SPEF2: variants seen among roughly 807,000 people sequenced by gnomAD.
The protein encoded by SPEF2 is sperm flagella and cilia-associated protein 2.
SPEF2 carries 187 observed loss-of-function variants against 224.6 expected under a neutral mutation model. That is an observed-to-expected ratio of 0.83 (90% CI 0.74 to 0.94). The LOEUF is 0.94. SPEF2 is among the 40% of genes least tolerant of loss of function. The probability of loss-of-function intolerance (pLI) is 0.00; values close to 1 mark genes in which losing one functional copy is unlikely to be tolerated. For synonymous variants in SPEF2, 715 were observed against 707.3 expected (o/e 1.01, Z -0.17); for missense variants, 2,170 against 2,135.6 (o/e 1.02, Z -0.32).
At chr5:35,789,594 T>C in intron 30 of SPEF2, 1 of 643,676 alleles carries the variant, frequency 1.6e-6, no homozygotes, top group East Asian at 2.7e-5. Flanking sequence ...AAACATTGTT[T>C]TAACACATCT....
At chr5:35,772,701 T>C (rs1753033694) in intron 27 of SPEF2, among the ~76,000 whole-genome samples, 1 of 152,116 alleles carries the variant, frequency 6.6e-6, no homozygotes, top group Non-Finnish European at 1.5e-5. Flanking sequence ...TTAGTCCATC[T>C]CAAGTGGCAG....
intron 2 of SPEF2, among the ~76,000 whole-genome samples, chr5:35,631,771 G>A (rs1180976720): frequency 1.3e-5 from 2 of 152,020 alleles, no homozygotes; most frequent in Admixed American, 6.6e-5. Context: ...AAAAATATTT[G>A]GGAAAAAAAT....
At chr5:35,677,906 G>A (rs187845699) in intron 10 of SPEF2, among the ~76,000 whole-genome samples, 15 of 152,292 alleles carry the variant, frequency 9.8e-5, no homozygotes, top group East Asian at 9.7e-4. Context: ...GTAGCTCAGC[G>A]TTTCTGAAAA....
intron 10 of SPEF2, among the ~76,000 whole-genome samples, chr5:35,679,339 C>A (rs144614330): frequency 6.6e-6 from 1 of 152,214 alleles, no homozygotes; most frequent in Non-Finnish European, 1.5e-5. Context: ...GAGACAGAGG[C>A]GGGATCAAGC....
rs758313268 is a variant in SPEF2 at position 35,649,813 on chromosome 5, A to G, written c.791+388A>G. On this transcript the variant is annotated intron_variant, in intron 6 of 36. Transcript: ENST00000356031. ...GCTGTATCCTCAGCAGTTAGCATAGAGACCAGCAGTAAGAAGTTGAGTGAA... is the reference window on the plus strand; with the variant it reads ...GCTGTATCCTCAGCAGTTAGCATAGGGACCAGCAGTAAGAAGTTGAGTGAA... Among the ~76,000 whole-genome samples the G allele has an allele frequency of 1.1e-3, 168 of 152,358 alleles. 3 individuals are homozygous for G. Among genetic ancestry groups the G allele is most frequent in the Middle Eastern group, 3.4e-3 (1 of 294 alleles).
At chr5:35,720,776 G>A (rs973110268) in intron 20 of SPEF2, among the ~76,000 whole-genome samples, 4 of 152,172 alleles carry the variant, frequency 2.6e-5, no homozygotes, top group East Asian at 1.9e-4. Flanking sequence ...GCAATCCCAC[G>A]TACCTAAACC....
At chr5:35,690,871 T>C (rs1461727181) in intron 10 of SPEF2, among the ~76,000 whole-genome samples, 166 bp from the exon 11 acceptor site, 2 of 152,200 alleles carry the variant, frequency 1.3e-5, no homozygotes, top group Non-Finnish European at 2.9e-5. Flanking sequence ...TTCTGCCCTG[T>C]AATATGAAAC....
At chr5:35,698,050 A>G (rs1236587563) in intron 15 of SPEF2, 2 of 246,052 alleles carry the variant, frequency 8.1e-6, no homozygotes, top group African/African-American at 2.3e-5. Context: ...GGGGAATTCA[A>G]TGAGAAATTG....
At chr5:35,662,785 A>G (rs1749925038) in intron 8 of SPEF2, among the ~76,000 whole-genome samples, 1 of 151,922 alleles carries the variant, frequency 6.6e-6, no homozygotes, top group Non-Finnish European at 1.5e-5. Flanking sequence ...CCATTGGTCT[A>G]TGTGTCTGTT....
intron 18 of SPEF2, among the ~76,000 whole-genome samples, chr5:35,708,725 A>ACCATCATCACCTCTATCT (rs1740506743): frequency 1.2e-3 from 1 of 850 alleles, no homozygotes; most frequent in East Asian, 0.026. Flanking sequence ...CAACATTACC[A>ACCATCATCACCTCTATCT]CCACTGCCAT....
chr5:35,785,995 A>G lies in SPEF2; in HGVS notation c.4448-6345A>G, dbSNP rs2149815247. On this transcript the variant is annotated intron_variant, in intron 30 of 36. Transcript: ENST00000356031. Reference sequence around the variant, plus strand: ...ACCCTCACGCTGACTCACATAGGCAACAGTAGCTACTTCTGCCTTTGAACT... The same window carrying G: ...ACCCTCACGCTGACTCACATAGGCAGCAGTAGCTACTTCTGCCTTTGAACT... Among the ~76,000 whole-genome samples the G allele has an allele frequency of 1.3e-5, 2 of 152,300 alleles. 1 individual carries two copies. Among genetic ancestry groups the G allele is most frequent in the African/African-American group, 4.8e-5 (2 of 41,570 alleles).
At position 35,759,181 on chromosome 5, in the gene SPEF2, C is replaced by G. The variant is rs182974084; in HGVS notation, c.3469-387C>G. On this transcript the variant is annotated intron_variant, in intron 24 of 36. Transcript: ENST00000356031. ...TTTTTTGTTATCTCTCAAATCAACT[C>G]ATATGCTACCTATGACAAAGAAGTT... Among the ~76,000 whole-genome samples the G allele has an allele frequency of 3.6e-3, 553 of 152,070 alleles. 2 individuals are homozygous for G. The highest frequency in any genetic ancestry group is 0.013 in the African/African-American group (531 of 41,464).
chr5:35,695,809 A>G lies in SPEF2; in HGVS notation c.2037+13A>G, dbSNP rs777466293. On this transcript the variant is annotated intron_variant, in intron 14 of 36. Transcript: ENST00000356031. Reference sequence around the variant, plus strand: ...TAGTTTCTTAAAAGTAAGTATTATGATCTAATTTTAGCTACTAACATATTA... The same window carrying G: ...TAGTTTCTTAAAAGTAAGTATTATGGTCTAATTTTAGCTACTAACATATTA... 3 of 1,584,806 alleles carry G rather than the reference A, an allele frequency of 1.9e-6. No individual in the cohort carries two copies. The highest frequency in any genetic ancestry group is 1.3e-5 in the African/African-American group (1 of 74,254).
intron 20 of SPEF2, among the ~76,000 whole-genome samples, chr5:35,723,788 T>C (rs1744178894): frequency 6.6e-6 from 1 of 152,196 alleles, no homozygotes. Context: ...CTAAAATAGA[T>C]TTTTATCACC....
chr5:35,712,255 AT>A (rs1321147883), intron 19 of SPEF2, among the ~76,000 whole-genome samples: 7 of 151,572 alleles, frequency 4.6e-5, no homozygotes, highest in African/African-American at 1.7e-4. Flanking sequence ...TTATTATTTT[AT>A]TTATTTATTT....
intron 4 of SPEF2, among the ~76,000 whole-genome samples, chr5:35,646,335 C>T (rs1042747070): frequency 9.2e-5 from 14 of 152,110 alleles, no homozygotes; most frequent in African/African-American, 3.1e-4. Context: ...TTGGTAAGGT[C>T]ATGGCAGTAG....
Position 35,667,166 on chromosome 5 carries a change from G to A in SPEF2, c.1262G>A (p.Arg421His), listed in dbSNP as rs139580877. 0.012 allele frequency: 18,733 copies of A among 1,612,356 alleles called. 139 individuals are homozygous for A. Among genetic ancestry groups the A allele is most frequent in the Non-Finnish European group, 0.014 (16,129 of 1,179,256 alleles). The change falls in exon 9 of 37, where the codon CGT (arginine) becomes CAT (histidine). Residue 421 changes from arginine (R) to histidine (H), a missense_variant. Transcript: ENST00000356031. ...DQIAVERAQA[R>H]YEKHYSVCAE... ...ATTGCTGTGGAAAGAGCTCAAGCTC[G>A]TTATGAAAAGCATTATTCAGTATGT... is the stretch of plus-strand genomic sequence containing the variant.
At chr5:35,677,079 A>G (rs1160538003) in intron 10 of SPEF2, among the ~76,000 whole-genome samples, 1 of 152,168 alleles carries the variant, frequency 6.6e-6, no homozygotes, top group Non-Finnish European at 1.5e-5. Context: ...TCATTATAGA[A>G]GAGGGTATTC....
In SPEF2 at chr5:35,776,607, A is replaced by G. The variant is rs1486352693; in HGVS notation, c.4217+212A>G. Among the ~76,000 whole-genome samples, 5 of 152,194 alleles carry G rather than the reference A, an allele frequency of 3.3e-5. No homozygotes were observed. In the East Asian group the frequency reaches 9.6e-4, roughly 29 times the overall value. On this transcript the variant is annotated intron_variant, in intron 29 of 36. Transcript: ENST00000356031. Reference sequence around the variant, plus strand: ...AGTAAATCATGCATCAAAGGGTTCTATTGCTATATTAAACTTTGCACAATA... The same window carrying G: ...AGTAAATCATGCATCAAAGGGTTCTGTTGCTATATTAAACTTTGCACAATA...
Sources: gnomAD v4.1 joint callset for allele counts (sites outside exome capture counted in the v4.1 genomes callset) on GRCh38, gnomAD v4.1.1 for gene constraint, MANE v1.5 for transcripts, NCBI Gene and HGNC (gene_info 2026-07-23, HGNC 2026-07-21) for gene names.